The following SLC4A5 variants were observed in gnomAD, a reference collection of about 807,000 sequenced individuals.
SLC4A5 encodes the protein electrogenic sodium bicarbonate cotransporter 4.
A neutral mutation model predicts 120.4 loss-of-function variants in SLC4A5; 96 were observed. The ratio of observed to expected loss-of-function variants is 0.80; its 90% CI spans 0.68 to 0.94. SLC4A5 has a LOEUF of 0.94. SLC4A5 is among the 40% of genes least tolerant of loss of function. The probability of loss-of-function intolerance (pLI) is 0.00; values close to 1 mark genes in which losing one functional copy is unlikely to be tolerated. For synonymous variants in SLC4A5, 550 were observed against 571.1 expected (o/e 0.96, Z 0.53); for missense variants, 1,259 against 1,459.5 (o/e 0.86, Z 2.24).
chr2:74,290,581 A>G, intron 7 of SLC4A5: 1 of 979,556 alleles, frequency 1.0e-6, no homozygotes, highest in Non-Finnish European at 1.2e-6. Context: ...GAGTTAATTA[A>G]AGATCTGAGA....
At chr2:74,292,113 G>GC (rs1672193048) in intron 7 of SLC4A5, among the ~76,000 whole-genome samples, 1 of 152,066 alleles carries the variant, frequency 6.6e-6, no homozygotes, top group Admixed American at 6.5e-5. Context: ...TAATAATCAC[G>GC]CCCCCCTCAC....
chr2:74,329,425 A>C (rs965151781), intron 4 of SLC4A5, among the ~76,000 whole-genome samples: 3 of 152,196 alleles, frequency 2.0e-5, no homozygotes, highest in Non-Finnish European at 4.4e-5. Flanking sequence ...CCCCATCTCC[A>C]CTAAAAATAC....
chr2:74,286,401 G>A lies in SLC4A5; in HGVS notation c.272-499C>T, dbSNP rs373017876. Among the ~76,000 whole-genome samples the A allele has an allele frequency of 6.6e-5, 10 of 152,240 alleles. No homozygotes were observed. The East Asian group carries it at 1.9e-3, about 29-fold the overall frequency. On this transcript the variant is annotated intron_variant, in intron 7 of 30. Transcript: ENST00000394019. ...GCAAGATGGCAGTCCATTTCCTGAG[G>A]CCCCAGCCTGCTTTCCAGCTGCCCA...
chr2:74,306,513 G>A (rs865824334), intron 6 of SLC4A5, among the ~76,000 whole-genome samples: 13 of 152,150 alleles, frequency 8.5e-5, no homozygotes, highest in African/African-American at 2.9e-4. Context: ...TTTGACTGCC[G>A]AGCCACTTTT....
intron 6 of SLC4A5, among the ~76,000 whole-genome samples, chr2:74,311,702 G>T (rs188061313): frequency 6.6e-6 from 1 of 151,774 alleles, no homozygotes; most frequent in East Asian, 1.9e-4. Context: ...AATTTGTTCA[G>T]GTGTGTTTTA....
intron 7 of SLC4A5, among the ~76,000 whole-genome samples, chr2:74,286,225 T>C (rs1365238707): frequency 6.6e-6 from 1 of 152,206 alleles, no homozygotes; most frequent in African/African-American, 2.4e-5. Context: ...AGAAGCACTC[T>C]GACCCAACTT....
intron 7 of SLC4A5, among the ~76,000 whole-genome samples, chr2:74,293,082 G>C (rs1672223726): frequency 6.6e-6 from 1 of 151,190 alleles, no homozygotes; most frequent in South Asian, 2.1e-4. Context: ...AGGGGGCAGG[G>C]ATGGGGGGAT....
intron 6 of SLC4A5, among the ~76,000 whole-genome samples, chr2:74,311,930 G>A (rs547505908): frequency 6.6e-6 from 1 of 152,172 alleles, no homozygotes; most frequent in African/African-American, 2.4e-5. Context: ...TCACTGATTT[G>A]TCTGTTCGTC....
intron 6 of SLC4A5, among the ~76,000 whole-genome samples, chr2:74,313,049 CTTT>C (rs58455711): frequency 2.8e-5 from 3 of 107,984 alleles, no homozygotes; most frequent in Non-Finnish European, 4.0e-5. Flanking sequence ...CCTTTTTGGT[CTTT>C]TTTTTTTTTT....
intron 7 of SLC4A5, among the ~76,000 whole-genome samples, chr2:74,293,619 C>T (rs180885894): frequency 9.1e-4 from 139 of 152,324 alleles, no homozygotes; most frequent in African/African-American, 3.0e-3. Context: ...GCTGTGTACA[C>T]CCAGAGAGGG....
rs537736550 is a variant in SLC4A5 at position 74,220,718 on chromosome 2, A to C, written c.*33+716T>G. Among the ~76,000 whole-genome samples, 39 of 149,406 alleles carry C rather than the reference A, an allele frequency of 2.6e-4. 2 individuals are homozygous for C. Among genetic ancestry groups the C allele is most frequent in the African/African-American group, 8.7e-4 (35 of 40,142 alleles). On this transcript the variant is annotated intron_variant, in intron 30 of 30. Coordinates refer to ENST00000394019, the Ensembl canonical transcript of SLC4A5. ...TTTTTAGTAGAGACAGGGTTTCACC[A>C]TGTTAGCCAGGATGGTCTCCATCTC... is the stretch of plus-strand genomic sequence containing the variant.
In SLC4A5 at chr2:74,303,803, T is replaced by C. The variant is rs1315530210; in HGVS notation, c.271+686A>G. ...GGAGCTAATGTAACAAGAACTTCAA[T>C]TTACTGAGCACAATGCCTCATACAA... On this transcript the variant is annotated intron_variant, in intron 7 of 30. Coordinates refer to ENST00000394019, the Ensembl canonical transcript of SLC4A5. Among the ~76,000 whole-genome samples the C allele has an allele frequency of 2.0e-5, 3 of 152,230 alleles. No individual in the cohort carries two copies. In the East Asian group the frequency reaches 5.8e-4, roughly 29 times the overall value.
chr2:74,315,171 G>A lies in SLC4A5; in HGVS notation c.-2-146C>T, dbSNP rs1672927079. 6 of 684,322 alleles carry A rather than the reference G, an allele frequency of 8.8e-6. No individual in the cohort carries two copies. The South Asian group carries it at 9.9e-5, about 11-fold the overall frequency. 42.4% of individuals were successfully genotyped at this position (684,322 alleles called of 1,614,324 possible). On this transcript the variant is annotated intron_variant, in intron 5 of 30. Coordinates refer to ENST00000394019, the Ensembl canonical transcript of SLC4A5. Reference sequence around the variant, plus strand: ...AAAAGGACATATAACTGGGTGCAGTGGCTCACACCTGTAATCCCAGCACTT... The same window carrying A: ...AAAAGGACATATAACTGGGTGCAGTAGCTCACACCTGTAATCCCAGCACTT...
intron 6 of SLC4A5, among the ~76,000 whole-genome samples, chr2:74,306,127 C>T (rs1183846264): frequency 2.0e-5 from 3 of 152,190 alleles, no homozygotes; most frequent in African/African-American, 7.2e-5. Flanking sequence ...TGGACAAGCA[C>T]TGCCATTCTA....
chr2:74,260,120 G>A (rs1305405290), intron 11 of SLC4A5, among the ~76,000 whole-genome samples: 1 of 152,174 alleles, frequency 6.6e-6, no homozygotes, highest in African/African-American at 2.4e-5. Flanking sequence ...AGGGAAGGAA[G>A]GTGGGCTTCC....
At chr2:74,234,994 G>A in intron 22 of SLC4A5, 107 bp downstream of exon 22, 1 of 851,972 alleles carries the variant, frequency 1.2e-6, no homozygotes, top group Non-Finnish European at 1.8e-6. Flanking sequence ...GAACTAAAAT[G>A]GTCTCTTGGC....
chr2:74,301,621 A>G (rs1320797238), intron 7 of SLC4A5, among the ~76,000 whole-genome samples: 1 of 152,282 alleles, frequency 6.6e-6, no homozygotes, highest in Non-Finnish European at 1.5e-5. Flanking sequence ...CAGATGAGGC[A>G]GGTAAAATGA....
intron 22 of SLC4A5, 113 bp downstream of exon 22, chr2:74,234,988 T>C: frequency 1.2e-6 from 1 of 827,452 alleles, no homozygotes; most frequent in South Asian, 1.8e-5. Flanking sequence ...CACAGAGAAC[T>C]AAAATGGTCT....
chr2:74,303,482 T>C (rs1273471167), intron 7 of SLC4A5, among the ~76,000 whole-genome samples: 1 of 152,208 alleles, frequency 6.6e-6, no homozygotes, highest in East Asian at 1.9e-4. Context: ...GTTTGGGATA[T>C]GCTGAGAGTG....
Sources: allele counts gnomAD v4.1 joint callset (sites outside exome capture counted in the v4.1 genomes callset), GRCh38; gene constraint gnomAD v4.1.1; transcripts MANE v1.5; gene names NCBI Gene and HGNC (gene_info 2026-07-23, HGNC 2026-07-21).